Variants in PLEKHA3 observed in about 807,000 individuals in gnomAD.
PLEKHA3 encodes pleckstrin homology domain-containing family A member 3.
In PLEKHA3, 19 loss-of-function variants were observed where a neutral mutation model predicts 39.2. The observed-to-expected ratio is 0.48, with a 90% CI of 0.34 to 0.71. The LOEUF (loss-of-function observed/expected upper bound fraction) is 0.71. PLEKHA3 is among the 30% of genes least tolerant of loss of function. PLEKHA3 has a pLI of 0.01. For missense variants in PLEKHA3, 253 were observed against 359.5 expected (o/e 0.70, Z 2.40); for synonymous variants, 97 against 118.6 (o/e 0.82, Z 1.18).
intron 5 of PLEKHA3, 90 bp downstream of exon 5, chr2:178,495,750 G>C: frequency 7.2e-7 from 1 of 1,391,536 alleles, no homozygotes; most frequent in East Asian, 2.3e-5. Flanking sequence ...AAGGGTGGAA[G>C]CAGGCAGTTG....
intron 2 of PLEKHA3, among the ~76,000 whole-genome samples, chr2:178,490,068 T>C (rs1434509043): frequency 6.6e-6 from 1 of 152,208 alleles, no homozygotes; most frequent in African/African-American, 2.4e-5. Context: ...TAATTCCTGA[T>C]TAGCTCTCTT....
At chr2:178,483,366 G>A (rs1020611288) in intron 1 of PLEKHA3, among the ~76,000 whole-genome samples, 1 of 151,796 alleles carries the variant, frequency 6.6e-6, no homozygotes, top group Non-Finnish European at 1.5e-5. Flanking sequence ...TTTTAAAAAG[G>A]GAATACCTGT....
At chr2:178,493,017 T>A (rs1435496541) in intron 3 of PLEKHA3, among the ~76,000 whole-genome samples, 3 of 152,228 alleles carry the variant, frequency 2.0e-5, no homozygotes, top group African/African-American at 7.2e-5. Context: ...ATAGAGCTGC[T>A]TTGTCCATTC....
chr2:178,499,894 A>G (rs1685502092), intron 6 of PLEKHA3, among the ~76,000 whole-genome samples: 1 of 152,116 alleles, frequency 6.6e-6, no homozygotes, highest in Admixed American at 6.6e-5. Context: ...ACAGAAGTAC[A>G]TTTTTGATGT....
Position 178,503,884 on chromosome 2 carries a change from C to T in PLEKHA3, c.900C>T (p.Ser300=). 1 of 1,611,048 alleles carries T rather than the reference C, an allele frequency of 6.2e-7. No individual in the cohort carries two copies. Among genetic ancestry groups the T allele is most frequent in the Non-Finnish European group, 8.5e-7 (1 of 1,177,822 alleles). ...AAGATACTCTTCCATCCTTCTCTTC[C>T]TGAAGAAACTGAAGTGTCCAACTTC... is the stretch of plus-strand genomic sequence containing the variant. ...ESEDTLPSFS[S] is the part of the protein sequence containing the mutation. Residue 300 remains serine, a synonymous_variant, in exon 8 of 8, where the codon TCC becomes TCT. Coordinates refer to ENST00000234453, the MANE Select transcript of PLEKHA3 (RefSeq NM_019091.4).
chr2:178,496,283 G>A (rs1279093092), intron 5 of PLEKHA3, among the ~76,000 whole-genome samples: 3 of 152,144 alleles, frequency 2.0e-5, no homozygotes, highest in African/African-American at 7.2e-5. Flanking sequence ...TGGCAGATTC[G>A]TTGTCCTTTC....
At chr2:178,480,988 C>T (rs1337831288) in intron 1 of PLEKHA3, 79 bp downstream of exon 1, 34 of 1,237,718 alleles carry the variant, frequency 2.7e-5, no homozygotes, top group Non-Finnish European at 3.6e-5. Context: ...CCTCTTCCTC[C>T]GTCTGGCCTC....
At chr2:178,495,755 C>A in intron 5 of PLEKHA3, 95 bp downstream of exon 5, 1 of 1,338,282 alleles carries the variant, frequency 7.5e-7, no homozygotes, top group Admixed American at 2.3e-5. Flanking sequence ...TGGAAGCAGG[C>A]AGTTGGGGGG....
At chr2:178,494,681 T>G (rs1685412429) in intron 4 of PLEKHA3, among the ~76,000 whole-genome samples, 1 of 152,116 alleles carries the variant, frequency 6.6e-6, no homozygotes, top group African/African-American at 2.4e-5. Flanking sequence ...CTACAGCAGC[T>G]CAGTGACAGT....
At chr2:178,493,062 C>G (rs935388540) in intron 3 of PLEKHA3, among the ~76,000 whole-genome samples, 17 of 152,094 alleles carry the variant, frequency 1.1e-4, no homozygotes, top group African/African-American at 2.7e-4. Context: ...GACCAGAGAG[C>G]AAGACCACTG....
chr2:178,512,176 T>G lies in PLEKHA3; in HGVS notation c.*8289T>G, dbSNP rs1209243353. The G allele has an allele frequency of 2.6e-5, 4 of 152,218 alleles. No individual in the cohort carries two copies. Among genetic ancestry groups the G allele is most frequent in the Non-Finnish European group, 5.9e-5 (4 of 68,038 alleles). 9.4% of individuals were successfully genotyped at this position (152,218 alleles called of 1,614,324 possible). A position where few individuals can be genotyped will look rare whatever the true frequency, so the allele number is the denominator to read the frequency against. On this transcript the variant is annotated 3_prime_UTR_variant, in exon 8 of 8. Coordinates refer to ENST00000234453, the MANE Select transcript of PLEKHA3 (RefSeq NM_019091.4). Reference sequence around the variant, plus strand: ...TATTTAGTATTTAAATTCACATGCTTCTTGATTTTTTTGGACTAGCATTAG... The same window carrying G: ...TATTTAGTATTTAAATTCACATGCTGCTTGATTTTTTTGGACTAGCATTAG...
chr2:178,492,323 T>C (rs1264808696), intron 3 of PLEKHA3, among the ~76,000 whole-genome samples: 2 of 151,660 alleles, frequency 1.3e-5, no homozygotes, highest in Admixed American at 6.6e-5. Flanking sequence ...AGCTAAAAGA[T>C]GGAAATAACC....
chr2:178,505,253 G>T lies in PLEKHA3; in HGVS notation c.*1366G>T, dbSNP rs1292417553. ...ATTTCATTTTATTTCAATTTATCTTGTAAGTTTATGTGGGATATTTTAAAA... is the reference window on the plus strand; with the variant it reads ...ATTTCATTTTATTTCAATTTATCTTTTAAGTTTATGTGGGATATTTTAAAA... On this transcript the variant is annotated 3_prime_UTR_variant, in exon 8 of 8. Transcript: ENST00000234453. The T allele has an allele frequency of 1.3e-5, 2 of 151,848 alleles. No homozygotes were observed. Among genetic ancestry groups the T allele is most frequent in the Non-Finnish European group, 2.9e-5 (2 of 67,804 alleles). 9.4% of individuals were successfully genotyped at this position (151,848 alleles called of 1,614,324 possible). A position where few individuals can be genotyped will look rare whatever the true frequency, so the allele number is the denominator to read the frequency against.
At position 178,510,279 on chromosome 2, in the gene PLEKHA3, A is replaced by G. The variant is rs981657691; in HGVS notation, c.*6392A>G. On this transcript the variant is annotated 3_prime_UTR_variant, in exon 8 of 8. Coordinates refer to ENST00000234453, the MANE Select transcript of PLEKHA3 (RefSeq NM_019091.4). ...AAATCCAATCAGTTATAGTTACTTT[A>G]AAAGTTTTAAAAAGAGTATAACAAT... 5 of 153,650 alleles carry G rather than the reference A, an allele frequency of 3.3e-5. No individual in the cohort carries two copies. In the Admixed American group the frequency reaches 3.3e-4, roughly 10 times the overall value. 9.5% of individuals were successfully genotyped at this position (153,650 alleles called of 1,614,324 possible).
chr2:178,501,492 CA>C (rs1685529262), intron 7 of PLEKHA3, among the ~76,000 whole-genome samples: 1 of 151,860 alleles, frequency 6.6e-6, no homozygotes, highest in Admixed American at 6.6e-5. Context: ...GAATTGTTAG[CA>C]GGATTCTAGG....
intron 7 of PLEKHA3, chr2:178,502,230 CTTTTT>C (rs146472277): frequency 6.5e-6 from 1 of 153,280 alleles, no homozygotes; most frequent in Non-Finnish European, 1.4e-5. Context: ...TTGATAGAAT[CTTTTT>C]TTTTTTTTAA....
intron 3 of PLEKHA3, among the ~76,000 whole-genome samples, chr2:178,492,433 C>G (rs1396320340): frequency 7.8e-6 from 1 of 127,934 alleles, no homozygotes; most frequent in Non-Finnish European, 1.5e-5. Flanking sequence ...TGTGGATGAA[C>G]CTTATAGACA....
At position 178,506,600 on chromosome 2, in the gene PLEKHA3, A is replaced by G. The variant is rs1055275345; in HGVS notation, c.*2713A>G. 1 of 152,240 alleles carries G rather than the reference A, an allele frequency of 6.6e-6. No homozygotes were observed. Among genetic ancestry groups the G allele is most frequent in the Admixed American group, 6.5e-5 (1 of 15,278 alleles). The allele number at this position is 152,240 out of a possible 1,614,324, so 9.4% of individuals were successfully genotyped here. ...CACATTTAGAAATGTAAAAATCACA[A>G]GATCTCAGGAAATGCGCCCTTGTGA... On this transcript the variant is annotated 3_prime_UTR_variant, in exon 8 of 8. Coordinates refer to ENST00000234453, the MANE Select transcript of PLEKHA3 (RefSeq NM_019091.4).
chr2:178,493,992 A>G lies in PLEKHA3; in HGVS notation c.450+3A>G. 1.9e-6 allele frequency: 3 copies of G among 1,613,124 alleles called. No homozygotes were observed. The highest frequency in any genetic ancestry group is 2.5e-6 in the Non-Finnish European group (3 of 1,179,608). On this transcript the variant is annotated splice_donor_region_variant and intron_variant, in intron 4 of 7. Transcript: ENST00000234453. ...ATCATTCATCTCCTAGTGCAGAGGT[A>G]GAGCGAAGAGGATCTCTTCACGTGT... is the stretch of plus-strand genomic sequence containing the variant.
Sources: gnomAD v4.1 joint callset for allele counts (sites outside exome capture counted in the v4.1 genomes callset) on GRCh38, gnomAD v4.1.1 for gene constraint, MANE v1.5 for transcripts, NCBI Gene and HGNC (gene_info 2026-07-23, HGNC 2026-07-21) for gene names.